Variants in COL25A1 observed in about 807,000 individuals in gnomAD.
The protein encoded by COL25A1 is collagen type XXV alpha 1 chain.
A neutral mutation model predicts 128.4 loss-of-function variants in COL25A1; 103 were observed. The ratio of observed to expected loss-of-function variants is 0.80; its 90% confidence interval spans 0.68 to 0.94. The LOEUF (loss-of-function observed/expected upper bound fraction) is 0.94, where lower values mean the gene tolerates loss of function less well. Ranked by LOEUF, COL25A1 falls within the 40% of genes least tolerant of loss-of-function variation. The pLI is 0.00. For missense variants in COL25A1, 745 were observed against 840.0 expected, an observed-to-expected ratio of 0.89 and a Z score of 1.40; for synonymous variants, 279 against 277.2, an observed-to-expected ratio of 1.01 and a Z score of -0.06.
chr4:109,032,299 C>T lies in COL25A1; in HGVS notation c.420+15869G>A, dbSNP rs866490308. Among the ~76,000 whole-genome samples the T allele has an allele frequency of 3.3e-5, 5 of 152,252 alleles. No individual in the cohort carries two copies. In the South Asian group the frequency reaches 1.0e-3, roughly 32 times the overall value. ...TGGAAGGCATGCCAAAAACATCTGA[C>T]TCTTTAAAAATTCATTCTTATATGA... On this transcript the variant is annotated intron_variant, in intron 5 of 37. Transcript: ENST00000399132.
At chr4:109,137,792 T>C (rs1203366378) in intron 3 of COL25A1, among the ~76,000 whole-genome samples, 1 of 152,142 alleles carries the variant, frequency 6.6e-6, no homozygotes, top group Admixed American at 6.5e-5. Flanking sequence ...TGTGGAGTGG[T>C]TGGTATAATT....
intron 3 of COL25A1, among the ~76,000 whole-genome samples, chr4:109,063,366 G>C (rs1762145258): frequency 6.6e-6 from 1 of 152,036 alleles, no homozygotes; most frequent in Non-Finnish European, 1.5e-5. Context: ...AGCTGGGCTT[G>C]GTAGCACGTG....
chr4:109,299,243 C>T (rs997003587), intron 3 of COL25A1, among the ~76,000 whole-genome samples: 5 of 152,174 alleles, frequency 3.3e-5, no homozygotes, highest in Non-Finnish European at 7.3e-5. Context: ...ATAATCCCTA[C>T]AGGCTGATGA....
chr4:109,026,005 C>T (rs967544173), intron 5 of COL25A1, among the ~76,000 whole-genome samples: 1 of 151,814 alleles, frequency 6.6e-6, no homozygotes, highest in East Asian at 1.9e-4. Context: ...CAAGATTACC[C>T]CGAGAAAGAA....
chr4:108,866,226 T>C lies in COL25A1; in HGVS notation c.1084-2839A>G, dbSNP rs1482909053. On this transcript the variant is annotated intron_variant, in intron 20 of 37. Coordinates refer to ENST00000399132, the MANE Select transcript of COL25A1 (RefSeq NM_198721.4). Reference sequence around the variant, plus strand: ...TTTTTTTTTTTTTTTGAGGTCTCACTCTGTCACCCAGGCTGGAGAGCAGTG... The same window carrying C: ...TTTTTTTTTTTTTTTGAGGTCTCACCCTGTCACCCAGGCTGGAGAGCAGTG... Among the ~76,000 whole-genome samples, 5 of 149,984 alleles carry C rather than the reference T, an allele frequency of 3.3e-5. No individual in the cohort carries two copies. The South Asian group carries it at 6.3e-4, about 19-fold the overall frequency.
chr4:109,165,177 T>C (rs985643032), intron 3 of COL25A1, among the ~76,000 whole-genome samples: 1 of 152,212 alleles, frequency 6.6e-6, no homozygotes, highest in Non-Finnish European at 1.5e-5. Context: ...AGCTTAATAG[T>C]TAATAATCAG....
intron 3 of COL25A1, among the ~76,000 whole-genome samples, chr4:109,125,033 C>T (rs1487093831): frequency 1.3e-5 from 2 of 152,000 alleles, no homozygotes; most frequent in South Asian, 2.1e-4. Context: ...CCACACTTTT[C>T]GCCTAGAATA....
rs1756447921 is a variant in COL25A1, at chr4:109,010,272, TA to T, written c.438+85del. The T allele has an allele frequency of 2.8e-6, 3 of 1,086,630 alleles. No homozygotes were observed. The Admixed American group carries it at 7.5e-5, about 27-fold the overall frequency. The allele number at this position is 1,086,630 out of a possible 1,614,324, so 67.3% of individuals were successfully genotyped here. ...TGTGATTATCAGTTCATAGCTTTTT[TA>T]TATCTTTTGAAAGAATTGCAGAAAG... On this transcript the variant is annotated intron_variant, in intron 6 of 37. Transcript: ENST00000399132.
chr4:108,901,620 A>T (rs1243280167), intron 13 of COL25A1, among the ~76,000 whole-genome samples: 1 of 152,172 alleles, frequency 6.6e-6, no homozygotes, highest in Non-Finnish European at 1.5e-5. Context: ...CTTGAAGAAC[A>T]TATACATCTT....
At chr4:109,111,141 G>A (rs1294429448) in intron 3 of COL25A1, among the ~76,000 whole-genome samples, 1 of 152,096 alleles carries the variant, frequency 6.6e-6, no homozygotes, top group Non-Finnish European at 1.5e-5. Flanking sequence ...GCCATAAATT[G>A]TGTTTATTTG....
intron 15 of COL25A1, among the ~76,000 whole-genome samples, chr4:108,898,296 G>A (rs1474303460): frequency 6.6e-6 from 1 of 151,844 alleles, no homozygotes; most frequent in Non-Finnish European, 1.5e-5. Context: ...TTACAATGTT[G>A]AAAAATACAG....
At chr4:109,144,831 T>A (rs765268043) in intron 3 of COL25A1, among the ~76,000 whole-genome samples, 14 of 152,144 alleles carry the variant, frequency 9.2e-5, no homozygotes, top group Non-Finnish European at 1.9e-4. Context: ...ATACAAATTG[T>A]TCCTATGTGA....
chr4:108,981,803 C>T (rs1321411525), intron 6 of COL25A1, among the ~76,000 whole-genome samples: 1 of 152,050 alleles, frequency 6.6e-6, no homozygotes, highest in Non-Finnish European at 1.5e-5. Context: ...AATGCCTGCC[C>T]TACCAATAAT....
chr4:109,131,554 G>A (rs919620457), intron 3 of COL25A1, among the ~76,000 whole-genome samples: 2 of 152,154 alleles, frequency 1.3e-5, no homozygotes, highest in East Asian at 3.9e-4. Flanking sequence ...AGGAAAATAC[G>A]GTGAGGGGGA....
At chr4:109,153,972 C>A (rs1210869036) in intron 3 of COL25A1, among the ~76,000 whole-genome samples, 1 of 152,168 alleles carries the variant, frequency 6.6e-6, no homozygotes, top group East Asian at 1.9e-4. Flanking sequence ...ACTACCAACA[C>A]ATGACCCTTG....
intron 19 of COL25A1, among the ~76,000 whole-genome samples, chr4:108,879,488 C>T (rs1261014288): frequency 6.6e-6 from 1 of 152,100 alleles, no homozygotes; most frequent in Admixed American, 6.6e-5. Flanking sequence ...CACTCTGTTG[C>T]CCAGGCAGGA....
chr4:109,297,499 A>G (rs1279282618), intron 3 of COL25A1, among the ~76,000 whole-genome samples: 1 of 152,126 alleles, frequency 6.6e-6, no homozygotes, highest in African/African-American at 2.4e-5. Context: ...TGTAAGAATA[A>G]TTTAGGAGAC....
chr4:109,301,514 A>G (rs1553982610), intron 2 of COL25A1, among the ~76,000 whole-genome samples: 1 of 152,162 alleles, frequency 6.6e-6, no homozygotes, highest in Non-Finnish European at 1.5e-5. Context: ...GAGTGAGGGA[A>G]GATTAGAGAT....
chr4:109,159,834 A>G (rs980967494), intron 3 of COL25A1, among the ~76,000 whole-genome samples: 5 of 152,198 alleles, frequency 3.3e-5, no homozygotes, highest in African/African-American at 9.6e-5. Context: ...TTCGTGAGCT[A>G]GCAGAGAGGG....
Sources: allele counts gnomAD v4.1 joint callset (sites outside exome capture counted in the v4.1 genomes callset), GRCh38; gene constraint gnomAD v4.1.1; transcripts MANE v1.5; gene names NCBI Gene and HGNC (gene_info 2026-07-23, HGNC 2026-07-21).